Variants in EFR3A observed in about 807,000 individuals in gnomAD.
The protein encoded by EFR3A is protein EFR3 homolog A.
EFR3A carries 76 observed loss-of-function variants against 104.4 expected under a neutral mutation model. The observed-to-expected ratio is 0.73, with a 90% CI of 0.60 to 0.88. EFR3A has a LOEUF of 0.88. Among genes scored for constraint, EFR3A ranks in the 40% least tolerant of loss-of-function variants. EFR3A has a pLI of 0.00. For synonymous variants in EFR3A, 330 were observed against 330.0 expected (o/e 1.00, Z 0.00); for missense variants, 985 against 1,012.5 (o/e 0.97, Z 0.37).
At chr8:131,946,666 C>G (rs766391561) in intron 4 of EFR3A, 33 bp downstream of exon 4, 3 of 1,491,106 alleles carry the variant, frequency 2.0e-6, no homozygotes, top group Non-Finnish European at 2.7e-6. Context: ...TAAATGTATG[C>G]TTAATTAGCA....
intron 1 of EFR3A, among the ~76,000 whole-genome samples, chr8:131,925,953 A>C (rs1261088936): frequency 1.3e-5 from 2 of 152,110 alleles, no homozygotes; most frequent in African/African-American, 4.8e-5. Flanking sequence ...TTTTATTTTA[A>C]TGTTATTATT....
Position 131,944,670 on chromosome 8 carries a change from G to C in EFR3A, c.88-75G>C, listed in dbSNP as rs1395368300. Reference sequence around the variant, plus strand: ...AATCCCCAATCCAGAAAGGGAAATTGTAAAGCAGGCAACACTTAAAAATAT... The same window carrying C: ...AATCCCCAATCCAGAAAGGGAAATTCTAAAGCAGGCAACACTTAAAAATAT... On this transcript the variant is annotated intron_variant, in intron 2 of 22. Transcript: ENST00000254624. The C allele has an allele frequency of 2.9e-6, 4 of 1,399,318 alleles. No homozygotes were observed. The Admixed American group carries it at 1.1e-4, about 39-fold the overall frequency. 86.7% of individuals were successfully genotyped at this position (1,399,318 alleles called of 1,614,324 possible). A position where few individuals can be genotyped will look rare whatever the true frequency, so the allele number is the denominator to read the frequency against.
At chr8:131,960,372 A>T (rs180835196) in intron 8 of EFR3A, among the ~76,000 whole-genome samples, 1 of 152,108 alleles carries the variant, frequency 6.6e-6, no homozygotes, top group South Asian at 2.1e-4. Flanking sequence ...TCACAGGGCC[A>T]ACTGCAGGAC....
At chr8:131,927,559 C>T (rs893455063) in intron 1 of EFR3A, among the ~76,000 whole-genome samples, 8 of 151,950 alleles carry the variant, frequency 5.3e-5, no homozygotes, top group Non-Finnish European at 1.0e-4. Flanking sequence ...ATTTTAGACA[C>T]GGAAGTGAAC....
rs768215981 is a variant in EFR3A at position 131,996,424 on chromosome 8, G to A, written c.2084G>A (p.Arg695Lys). 5 of 1,586,396 alleles carry A rather than the reference G, an allele frequency of 3.2e-6. No individual in the cohort carries two copies. Among genetic ancestry groups the A allele is most frequent in the Non-Finnish European group, 4.3e-6 (5 of 1,167,496 alleles). The change falls in exon 19 of 23, where the codon AGA becomes AAA. Residue 695 changes from arginine (R) to lysine (K), a missense_variant. Physicochemically the swap from Arg to Lys is conservative, Grantham distance 26. Coordinates refer to ENST00000254624, the MANE Select transcript of EFR3A (RefSeq NM_015137.6). ...ATTTTAGATGAAGATCGACTTTCTAGAAGAAAAAGCATTGTGGACACCGTA... is the reference window on the plus strand; with the variant it reads ...ATTTTAGATGAAGATCGACTTTCTAAAAGAAAAAGCATTGTGGACACCGTA... ...PQVTDEDRLS[R>K]RKSIVDTVSI...
intron 17 of EFR3A, among the ~76,000 whole-genome samples, chr8:131,986,593 G>A (rs1273970097): frequency 6.6e-6 from 1 of 151,996 alleles, no homozygotes; most frequent in East Asian, 1.9e-4. Flanking sequence ...AGACCAGCTT[G>A]GCCAACATGG....
At chr8:131,939,683 C>CA (rs1192570202) in intron 1 of EFR3A, among the ~76,000 whole-genome samples, 1 of 152,120 alleles carries the variant, frequency 6.6e-6, no homozygotes, top group Admixed American at 6.6e-5. Context: ...ACTAAGTACT[C>CA]ACTTAATCTT....
At position 131,949,955 on chromosome 8, in the gene EFR3A, T is replaced by C. The variant is rs1417067305; in HGVS notation, c.367-14T>C. On this transcript the variant is annotated splice_polypyrimidine_tract_variant and intron_variant, in intron 4 of 22. Coordinates refer to ENST00000254624, the MANE Select transcript of EFR3A (RefSeq NM_015137.6). ...GAAGAAGGTGAAGTATATTATATTA[T>C]TTGTGTTTTTTAGTTTGTCAAATTT... is the stretch of plus-strand genomic sequence containing the variant. 2 of 1,575,134 alleles carry C rather than the reference T, an allele frequency of 1.3e-6. No individual in the cohort carries two copies. Among genetic ancestry groups the C allele is most frequent in the Admixed American group, 3.8e-5 (2 of 52,736 alleles).
At position 132,011,283 on chromosome 8, in the gene EFR3A, A is replaced by G; in HGVS notation, c.*388A>G. 4 of 988,212 alleles carry G rather than the reference A, an allele frequency of 4.0e-6. No individual in the cohort carries two copies. Among genetic ancestry groups the G allele is most frequent in the Non-Finnish European group, 3.6e-6 (3 of 831,650 alleles). 61.2% of individuals were successfully genotyped at this position (988,212 alleles called of 1,614,324 possible). A position where few individuals can be genotyped will look rare whatever the true frequency, so the allele number is the denominator to read the frequency against. On this transcript the variant is annotated 3_prime_UTR_variant, in exon 23 of 23. Transcript: ENST00000254624. ...CTTAAACATCTACACAGCCGCTTAG[A>G]TGTAGAATTTTTGTTGTTGTTTTCT...
chr8:131,987,439 AT>A, intron 17 of EFR3A, 135 bp from the exon 18 acceptor site: 2 of 1,000,336 alleles, frequency 2.0e-6, no homozygotes, highest in South Asian at 3.6e-5. Flanking sequence ...AAATATACTG[AT>A]TTTTCTGCTA....
chr8:131,913,089 T>A (rs1233576894), intron 1 of EFR3A, among the ~76,000 whole-genome samples: 1 of 150,936 alleles, frequency 6.6e-6, no homozygotes, highest in Non-Finnish European at 1.5e-5. Context: ...AGTCATGATG[T>A]GGGGGTTCAG....
At chr8:131,957,341 G>A (rs556299515) in intron 7 of EFR3A, among the ~76,000 whole-genome samples, 55 of 149,206 alleles carry the variant, frequency 3.7e-4, no homozygotes, top group Non-Finnish European at 6.2e-4. Context: ...GAAGATTTAG[G>A]GCCAGGGTCT....
rs539863277 is a variant in EFR3A at position 132,010,628 on chromosome 8, C to G, written c.2361-162C>G. Among the ~76,000 whole-genome samples, 7 of 152,002 alleles carry G rather than the reference C, an allele frequency of 4.6e-5. No homozygotes were observed. In the East Asian group the frequency reaches 1.4e-3, roughly 29 times the overall value. ...AAAAACAGTTTGACACTACTGCAGT[C>G]TGTTTCCCATGCAGCCTTGTAGCTG... On this transcript the variant is annotated intron_variant, in intron 22 of 22. Transcript: ENST00000254624.
rs115287925 is a variant in EFR3A, at chr8:131,930,190, G to A, written c.11-10309G>A. ...CATTCATTTAACAAATAGATATTGA[G>A]CTCTTACCATGTGCTGGATGGACAT... On this transcript the variant is annotated intron_variant, in intron 1 of 22. Transcript: ENST00000254624. 4.8e-3 allele frequency among the ~76,000 whole-genome samples: 738 copies of A among 152,216 alleles called. 7 individuals are homozygous for A. The highest frequency in any genetic ancestry group is 0.017 in the African/African-American group (686 of 41,562).
intron 18 of EFR3A, among the ~76,000 whole-genome samples, chr8:131,994,626 C>T (rs746775772): frequency 2.5e-4 from 38 of 152,024 alleles, no homozygotes; most frequent in Non-Finnish European, 5.0e-4. Context: ...TACTAGAAGA[C>T]CCACTTGAAA....
chr8:131,983,901 T>C (rs1820741596), intron 14 of EFR3A, among the ~76,000 whole-genome samples: 1 of 152,248 alleles, frequency 6.6e-6, no homozygotes, highest in Non-Finnish European at 1.5e-5. Flanking sequence ...ACAGGAACTA[T>C]TTTTTACTGG....
intron 17 of EFR3A, among the ~76,000 whole-genome samples, 167 bp downstream of exon 17, chr8:131,986,428 G>T (rs1820886214): frequency 6.6e-6 from 1 of 151,952 alleles, no homozygotes; most frequent in African/African-American, 2.4e-5. Flanking sequence ...TTATAAAAGG[G>T]CCTGCACATT....
intron 20 of EFR3A, among the ~76,000 whole-genome samples, chr8:132,002,291 G>A (rs181614952): frequency 6.6e-6 from 1 of 152,344 alleles, no homozygotes; most frequent in African/African-American, 2.4e-5. Flanking sequence ...GAAGGACTGT[G>A]AAGTAGTTCG....
At chr8:131,975,074 A>C (rs1017066647) in intron 10 of EFR3A, among the ~76,000 whole-genome samples, 1 of 152,240 alleles carries the variant, frequency 6.6e-6, no homozygotes, top group African/African-American at 2.4e-5. Context: ...TTTTGTGACC[A>C]GGAAGTAAGT....
Sources: gnomAD v4.1 joint callset for allele counts (sites outside exome capture counted in the v4.1 genomes callset) on GRCh38, gnomAD v4.1.1 for gene constraint, MANE v1.5 for transcripts, NCBI Gene and HGNC (gene_info 2026-07-23, HGNC 2026-07-21) for gene names.